MED23: variants seen among roughly 807,000 people sequenced by gnomAD.
The protein encoded by MED23 is mediator complex subunit 23.
Under a neutral mutation model 163.9 loss-of-function variants are expected in MED23, and 105 were observed. The ratio of observed to expected loss-of-function variants is 0.64; its 90% CI spans 0.55 to 0.75. The LOEUF (loss-of-function observed/expected upper bound fraction) is 0.75, where lower values mean the gene tolerates loss of function less well. MED23 is among the 30% of genes least tolerant of loss of function. MED23 has a pLI of 0.00. For synonymous variants in MED23, 561 were observed against 565.6 expected, an observed-to-expected ratio of 0.99 and a Z score of 0.12; for missense variants, 1,054 against 1,649.0, an observed-to-expected ratio of 0.64 and a Z score of 6.25.
At chr6:131,619,769 A>C (rs976108276) in intron 8 of MED23, 58 bp downstream of exon 8, 122 of 1,299,082 alleles carry the variant, frequency 9.4e-5, no homozygotes, top group Non-Finnish European at 1.3e-4. Flanking sequence ...AGCTTTGTTC[A>C]ATAATTAGAT....
exon 31 of MED23, chr6:131,574,077 C>T: frequency 6.5e-6 from 4 of 616,394 alleles, no homozygotes; most frequent in Admixed American, 5.2e-5. Flanking sequence ...TTTTTTCTGC[C>T]TGGGCACACT....
chr6:131,578,937 G>A (rs1365445791), intron 30 of MED23: 1 of 654,632 alleles, frequency 1.5e-6, no homozygotes, highest in Non-Finnish European at 2.5e-6. Context: ...CTGGTAACAT[G>A]ACGTCAAGCA....
Position 131,586,892 on chromosome 6 carries a change from T to A in MED23, c.*787A>T, listed in dbSNP as rs956653151. On this transcript the variant is annotated 3_prime_UTR_variant, in exon 29 of 29. Transcript: ENST00000368068. ...ATATAAAATTTAAAAATTTTAAGAT[T>A]ATAAAAATTGAAGAATTACATCATC... is the stretch of plus-strand genomic sequence containing the variant. 2.1e-6 allele frequency: 3 copies of A among 1,454,480 alleles called. No individual in the cohort carries two copies. In the African/African-American group the frequency reaches 4.2e-5, roughly 21 times the overall value. 90.1% of individuals were successfully genotyped at this position (1,454,480 alleles called of 1,614,324 possible).
intron 14 of MED23, 125 bp from the exon 15 acceptor site, chr6:131,604,445 T>A: frequency 9.1e-7 from 1 of 1,099,412 alleles, no homozygotes; most frequent in Non-Finnish European, 1.3e-6. Flanking sequence ...TTGATTCATT[T>A]AATGTGTTTA....
rs905034981 is a variant in MED23, at chr6:131,619,505, G to T, written c.667+322C>A. 5.3e-5 allele frequency among the ~76,000 whole-genome samples: 8 copies of T among 152,308 alleles called. No homozygotes were observed. In the South Asian group the frequency reaches 1.7e-3, roughly 32 times the overall value. On this transcript the variant is annotated intron_variant, in intron 8 of 28. Transcript: ENST00000368068. ...ACGTTCTGTAGCCACAGAGGGACAG[G>T]TCTGTTCAGACTTCCAGCTGCCTAG...
At chr6:131,613,362 A>C (rs760006369) in intron 10 of MED23, among the ~76,000 whole-genome samples, 1 of 152,184 alleles carries the variant, frequency 6.6e-6, no homozygotes, top group Non-Finnish European at 1.5e-5. Context: ...GCTGAATGTA[A>C]CCAATATTAG....
chr6:131,601,616 T>G (rs1156849894), intron 17 of MED23, among the ~76,000 whole-genome samples: 1 of 152,176 alleles, frequency 6.6e-6, no homozygotes, highest in Non-Finnish European at 1.5e-5. Flanking sequence ...ACCTCATCTG[T>G]GTGAGGCCAC....
intron 28 of MED23, among the ~76,000 whole-genome samples, chr6:131,588,882 C>T (rs1247825888): frequency 6.6e-6 from 1 of 152,106 alleles, no homozygotes; most frequent in Admixed American, 6.5e-5. Flanking sequence ...ATTCATACAC[C>T]CTCTAAAGTG....
intron 18 of MED23, among the ~76,000 whole-genome samples, chr6:131,599,828 G>A (rs1271422682): frequency 1.3e-5 from 2 of 151,324 alleles, no homozygotes; most frequent in East Asian, 3.9e-4. Context: ...TTGTGAACCT[G>A]AATTCCTGGG....
chr6:131,591,431 G>C lies in MED23; in HGVS notation c.3568C>G (p.Leu1190Val). 1 of 1,613,890 alleles carries C rather than the reference G, an allele frequency of 6.2e-7. No individual in the cohort carries two copies. The highest frequency in any genetic ancestry group is 8.5e-7 in the Non-Finnish European group (1 of 1,179,794). ...ETEWVGYPFR[L>V]FDFTACHQSY... is the part of the protein sequence containing the mutation. ...TGATGACAGGCAGTGAAATCAAAGA[G>C]GCGGAATGGATAGCCAACCCACTCT... Residue 1190 changes from leucine (L) to valine (V), a missense_variant, in exon 26 of 29, where the codon CTC (leucine) becomes GTC (valine). Around this residue, in one of 11 missense-constraint regions of MED23, gnomAD observed 362 missense variants for 471.6 expected, o/e 0.77. Transcript: ENST00000368068.
At chr6:131,582,677 T>C (rs370289649), downstream of MED23, 36 of 1,613,736 alleles carry the variant, frequency 2.2e-5, no homozygotes, top group Non-Finnish European at 2.7e-5. Context: ...CCAAGGATAT[T>C]GTGTATATTG....
intron 5 of MED23, among the ~76,000 whole-genome samples, chr6:131,622,357 G>A (rs574706349): frequency 6.6e-6 from 1 of 152,272 alleles, no homozygotes; most frequent in African/African-American, 2.4e-5. Flanking sequence ...CTTTTTGGTA[G>A]AGGACTGTTT....
chr6:131,575,419 A>G (rs1010152265), intron 30 of MED23, among the ~76,000 whole-genome samples: 9 of 152,100 alleles, frequency 5.9e-5, no homozygotes, highest in Non-Finnish European at 1.2e-4. Context: ...AGAAGGAGAA[A>G]TCATGTTTAC....
In MED23 at chr6:131,596,613, C is replaced by A; in HGVS notation, c.2683G>T (p.Asp895Tyr). The A allele has an allele frequency of 3.7e-6, 6 of 1,614,148 alleles. No individual in the cohort carries two copies. The highest frequency in any genetic ancestry group is 4.2e-6 in the Non-Finnish European group (5 of 1,180,004). The change falls in exon 21 of 29, where the codon GAT becomes TAT. Residue 895 changes from aspartate (D) to tyrosine (Y), a missense_variant. Physicochemically the swap from Asp to Tyr is radical, Grantham distance 160 (BLOSUM62 -3). Around this residue, in one of 11 missense-constraint regions of MED23, gnomAD observed 228 missense variants for 461.3 expected, o/e 0.49. Coordinates refer to ENST00000368068, the MANE Select transcript of MED23 (RefSeq NM_004830.4). ...AAGTCACTTACTCGATTTCTAAAAT[C>A]GTTTGGTTTGAGTAACAGCAACTGA... is the stretch of plus-strand genomic sequence containing the variant. ...IIQLLLLKPN[D>Y]FRNRVSDFVK...
At chr6:131,584,816 TACACAC>T (rs59196638), downstream of MED23, among the ~76,000 whole-genome samples, 35 of 134,144 alleles carry the variant, frequency 2.6e-4, no homozygotes, top group Middle Eastern at 4.2e-3. Context: ...CTACAAAAAA[TACACAC>T]ACACACACAC....
chr6:131,627,044 G>GA lies in MED23; in HGVS notation c.159+351dup, dbSNP rs372930949. On this transcript the variant is annotated intron_variant, in intron 3 of 28. Coordinates refer to ENST00000368068, the MANE Select transcript of MED23 (RefSeq NM_004830.4). ...GCTGTGCCAATTCCTTTATTTAGCA[G>GA]AAAAATGGAATTTGTATCCTTGACA... 3.5e-4 allele frequency: 69 copies of GA among 199,906 alleles called. 2 individuals carry two copies. Among genetic ancestry groups the GA allele is most frequent in the African/African-American group, 1.5e-3 (66 of 42,702 alleles). The allele number at this position is 199,906 out of a possible 1,614,324, so 12.4% of individuals were successfully genotyped here.
chr6:131,584,374 A>G (rs891605184), downstream of MED23: 1 of 153,214 alleles, frequency 6.5e-6, no homozygotes, highest in African/African-American at 2.6e-5. Flanking sequence ...ACACACACAC[A>G]CACACACACA....
chr6:131,592,411 C>T lies in MED23; in HGVS notation c.3448G>A (p.Gly1150Ser). 2 of 1,613,984 alleles carry T rather than the reference C, an allele frequency of 1.2e-6. No individual in the cohort carries two copies. Among genetic ancestry groups the T allele is most frequent in the Non-Finnish European group, 1.7e-6 (2 of 1,179,954 alleles). Residue 1150 changes from glycine (G) to serine (S), a missense_variant, in exon 25 of 29, where the codon GGT becomes AGT. Physicochemically the swap from Gly to Ser is moderately conservative, Grantham distance 56. Around this residue, in one of 11 missense-constraint regions of MED23, gnomAD observed 362 missense variants for 471.6 expected, o/e 0.77. Transcript: ENST00000368068. ...ENITAWMNAI[G>S]LIITALPEPY... is the part of the protein sequence containing the mutation. ...ACTGGTAGGGCAGTGATGATCAAAC[C>T]AATTGCATTCATCCATGCTGTAATG...
Position 131,628,003 on chromosome 6 carries a change from G to A in MED23, c.39+8C>T. The A allele has an allele frequency of 6.2e-7, 1 of 1,613,930 alleles. No individual in the cohort carries two copies. Among genetic ancestry groups the A allele is most frequent in the East Asian group, 2.2e-5 (1 of 44,882 alleles). On this transcript the variant is annotated splice_region_variant and intron_variant, in intron 1 of 28. Transcript: ENST00000368068. ...CCGTAGTCCTGGATGGCCGGCAGCT[G>A]CACTCACCACCACCTCTTCGAAAAT...
Sources: allele counts gnomAD v4.1 joint callset (sites outside exome capture counted in the v4.1 genomes callset), GRCh38; gene constraint gnomAD v4.1.1; regional missense constraint gnomAD v4.1.1; transcripts MANE v1.5; gene names NCBI Gene and HGNC (gene_info 2026-07-23, HGNC 2026-07-21).